HIVEP1: variants seen among roughly 807,000 people sequenced by gnomAD.
The protein encoded by HIVEP1 is HIVEP zinc finger 1, also known as zinc finger protein 40.
A neutral mutation model predicts 180.0 loss-of-function variants in HIVEP1; 36 were observed. The ratio of observed to expected loss-of-function variants is 0.20; its 90% CI spans 0.15 to 0.26. The LOEUF is 0.26. Ranked by LOEUF, HIVEP1 falls within the 10% of genes least tolerant of loss-of-function variation. The pLI is 1.00. For synonymous variants in HIVEP1, 1,239 were observed against 1,239.0 expected (o/e 1.00, Z 0.00); for missense variants, 3,143 against 3,268.7 (o/e 0.96, Z 0.94).
chr6:12,019,892 C>G (rs761236152), intron 2 of HIVEP1, among the ~76,000 whole-genome samples: 2 of 152,006 alleles, frequency 1.3e-5, no homozygotes, highest in African/African-American at 4.8e-5. Flanking sequence ...TGTGTGCACA[C>G]GTATACACAT....
chr6:12,125,001 C>T lies in HIVEP1; in HGVS notation c.5206C>T (p.Pro1736Ser), dbSNP rs766525874. ...GAAAATATCTGTTGGTCGACTTTCC[C>T]CTCAACAAGAATCTTCAGCTTCGAG... The part of the protein sequence containing the change: ...TQKISVGRLS[P>S]QQESSASSKR... The change falls in exon 4 of 9, where the codon CCT (proline) becomes TCT (serine). Residue 1736 changes from proline to serine, a missense_variant. Pro to Ser is a moderately conservative substitution (Grantham distance 74). Around this residue, in one of 12 missense-constraint regions of HIVEP1, gnomAD observed 1,357 missense variants for 1,260.5 expected, o/e 1.08. Coordinates refer to ENST00000379388, the MANE Select transcript of HIVEP1 (RefSeq NM_002114.4). The T allele has an allele frequency of 4.3e-6, 7 of 1,614,120 alleles. No homozygotes were observed. In the South Asian group the frequency reaches 7.7e-5, roughly 18 times the overall value.
downstream of HIVEP1, among the ~76,000 whole-genome samples, chr6:12,165,844 G>T (rs567306809): frequency 1.6e-4 from 25 of 152,182 alleles, no homozygotes; most frequent in Non-Finnish European, 3.4e-4. Flanking sequence ...GAGACCTGCT[G>T]CTAGCCAACC....
downstream of HIVEP1, among the ~76,000 whole-genome samples, chr6:12,165,484 A>G (rs897240260): frequency 1.3e-5 from 2 of 152,174 alleles, no homozygotes; most frequent in African/African-American, 2.4e-5. Context: ...CAGAGTGTCC[A>G]AGATTACCGA....
At chr6:12,049,484 T>C (rs1188849757) in intron 2 of HIVEP1, among the ~76,000 whole-genome samples, 1 of 152,242 alleles carries the variant, frequency 6.6e-6, no homozygotes, top group African/African-American at 2.4e-5. Flanking sequence ...GTGACCATCA[T>C]GCCAGTTGCT....
At chr6:12,204,740 A>G in the HIVEP1 span, among the ~76,000 whole-genome samples, 2 of 152,212 alleles carry the variant, frequency 1.3e-5, no homozygotes, top group Non-Finnish European at 2.9e-5. Context: ...TAAACACACA[A>G]AGACTCCTGA....
chr6:12,144,466 A>G (rs1456717981), intron 7 of HIVEP1, among the ~76,000 whole-genome samples: 2 of 152,226 alleles, frequency 1.3e-5, no homozygotes, highest in African/African-American at 2.4e-5. Context: ...GAACATAGAC[A>G]TGGGCAAGGA....
At chr6:12,166,626 G>A (rs1760705650), downstream of HIVEP1, among the ~76,000 whole-genome samples, 1 of 152,156 alleles carries the variant, frequency 6.6e-6, no homozygotes, top group Non-Finnish European at 1.5e-5. Flanking sequence ...AAATAGACAA[G>A]GGAACAATAA....
intron 1 of HIVEP1, among the ~76,000 whole-genome samples, chr6:12,014,506 A>G (rs1391891301): frequency 3.9e-5 from 6 of 152,238 alleles, no homozygotes; most frequent in Non-Finnish European, 5.9e-5. Context: ...CTACAGTACC[A>G]CTAATAACAA....
the HIVEP1 span, among the ~76,000 whole-genome samples, chr6:12,205,012 G>C: frequency 1.4e-4 from 21 of 152,186 alleles, no homozygotes; most frequent in African/African-American, 5.1e-4. Flanking sequence ...GGGGCAGAGA[G>C]CGCCTGTGTG....
In HIVEP1 at chr6:12,012,439, G is replaced by A. The variant is rs1038733821; in HGVS notation, c.-231G>A. Reference sequence around the variant, plus strand: ...GTTTGGGGTTGTCAAGTGAAGGAGGGATCCCAGGCGCCGCCGCCGCCGCCG... The same window carrying A: ...GTTTGGGGTTGTCAAGTGAAGGAGGAATCCCAGGCGCCGCCGCCGCCGCCG... On this transcript the variant is annotated 5_prime_UTR_variant, in exon 1 of 9. Transcript: ENST00000379388. The A allele has an allele frequency of 1.1e-4, 17 of 149,486 alleles. No individual in the cohort carries two copies. Among genetic ancestry groups the A allele is most frequent in the African/African-American group, 4.1e-4 (17 of 41,154 alleles). The allele number at this position is 149,486 out of a possible 1,614,324, so 9.3% of individuals were successfully genotyped here. A position where few individuals can be genotyped will look rare whatever the true frequency, so the allele number is the denominator to read the frequency against.
chr6:12,091,390 G>C (rs978198437), intron 3 of HIVEP1, among the ~76,000 whole-genome samples: 2 of 151,988 alleles, frequency 1.3e-5, no homozygotes, highest in African/African-American at 2.4e-5. Flanking sequence ...CTAAGGCTTT[G>C]TCTCCATTAA....
chr6:12,123,313 C>G lies in HIVEP1; in HGVS notation c.3518C>G (p.Ser1173Cys). The G allele has an allele frequency of 6.2e-7, 1 of 1,614,142 alleles. No individual in the cohort carries two copies. Among genetic ancestry groups the G allele is most frequent in the Non-Finnish European group, 8.5e-7 (1 of 1,180,020 alleles). Residue 1173 changes from serine to cysteine, a missense_variant, in exon 4 of 9, where the codon TCT (serine) becomes TGT (cysteine). Coordinates refer to ENST00000379388, the MANE Select transcript of HIVEP1 (RefSeq NM_002114.4). ...CTGAATAGAACGGGGAAGTCCGGGT[C>G]TCTAAAAGTGATAGGAATCTCCCAA... ...QELNRTGKSG[S>C]LKVIGISQEE...
chr6:12,040,148 G>A (rs1186415174), intron 2 of HIVEP1, among the ~76,000 whole-genome samples: 1 of 152,210 alleles, frequency 6.6e-6, no homozygotes, highest in Non-Finnish European at 1.5e-5. Flanking sequence ...CTGCATTTTG[G>A]AGAGGAAGGG....
chr6:12,176,655 C>T, the HIVEP1 span, among the ~76,000 whole-genome samples: 1 of 152,122 alleles, frequency 6.6e-6, no homozygotes, highest in Admixed American at 6.5e-5. Context: ...GAATACTCTC[C>T]ATCCTTTAAA....
chr6:12,059,990 T>C lies in HIVEP1; in HGVS notation c.41-29194T>C, dbSNP rs184148600. Reference sequence around the variant, plus strand: ...TTAATGTTCTAATTCTCTTGTATTGTTTTTCATGTAAACATAACTGTTTTG... The same window carrying C: ...TTAATGTTCTAATTCTCTTGTATTGCTTTTCATGTAAACATAACTGTTTTG... On this transcript the variant is annotated intron_variant, in intron 2 of 8. Transcript: ENST00000379388. 5.3e-5 allele frequency among the ~76,000 whole-genome samples: 8 copies of C among 152,308 alleles called. No individual in the cohort carries two copies. The East Asian group carries it at 1.5e-3, about 29-fold the overall frequency.
chr6:12,029,980 T>C (rs1290939219), intron 2 of HIVEP1, among the ~76,000 whole-genome samples: 1 of 152,200 alleles, frequency 6.6e-6, no homozygotes, highest in East Asian at 1.9e-4. Context: ...GAAAGTCAGG[T>C]CTTCTAGCAG....
intron 2 of HIVEP1, among the ~76,000 whole-genome samples, chr6:12,033,573 T>C (rs559706849): frequency 2.2e-4 from 33 of 152,352 alleles, no homozygotes; most frequent in African/African-American, 7.9e-4. Flanking sequence ...GTGGTAACTT[T>C]GGTTACATCA....
At chr6:12,197,339 C>T in the HIVEP1 span, among the ~76,000 whole-genome samples, 4 of 152,116 alleles carry the variant, frequency 2.6e-5, no homozygotes, top group Admixed American at 2.0e-4. Context: ...AGGCAGATCA[C>T]CTGAGGTCAG....
chr6:12,034,919 C>T (rs1047615884), intron 2 of HIVEP1, among the ~76,000 whole-genome samples: 8 of 152,170 alleles, frequency 5.3e-5, no homozygotes, highest in Admixed American at 1.3e-4. Context: ...AGGATCTCAA[C>T]GAAAATGTAG....
Sources: gnomAD v4.1 joint callset for allele counts (sites outside exome capture counted in the v4.1 genomes callset) on GRCh38, gnomAD v4.1.1 for gene constraint, gnomAD v4.1.1 regional missense constraint, MANE v1.5 for transcripts, NCBI Gene and HGNC (gene_info 2026-07-23, HGNC 2026-07-21) for gene names.